Variants in ITM2C observed in about 807,000 individuals in gnomAD.
ITM2C encodes the protein integral membrane protein 2C, also known as BRICHOS domain containing 2C.
In ITM2C, 20 loss-of-function variants were observed where a neutral mutation model predicts 30.0. That is an observed-to-expected ratio of 0.67 (90% CI 0.47 to 0.97). The LOEUF (loss-of-function observed/expected upper bound fraction) is 0.97. Among genes scored for constraint, ITM2C ranks in the 50% least tolerant of loss-of-function variants. The pLI is 0.00. For missense variants in ITM2C, 366 were observed against 371.9 expected (o/e 0.98, Z 0.13); for synonymous variants, 167 against 156.4 (o/e 1.07, Z -0.51).
chr2:230,870,250 T>C (rs1168192646), intron 1 of ITM2C, among the ~76,000 whole-genome samples: 3 of 152,198 alleles, frequency 2.0e-5, no homozygotes, highest in African/African-American at 7.2e-5. Context: ...TTGGGCACAG[T>C]AGGCAGAGGC....
In ITM2C at chr2:230,877,349, G is replaced by T. The variant is rs764362310; in HGVS notation, c.562-51G>T. The T allele has an allele frequency of 1.3e-6, 2 of 1,596,028 alleles. No individual in the cohort carries two copies. The highest frequency in any genetic ancestry group is 3.4e-5 in the Admixed American group (2 of 59,458). On this transcript the variant is annotated intron_variant, in intron 4 of 5. Transcript: ENST00000326427. This position sits in a 1 kb window ranked among gnomAD's most constrained non-coding sequence, Gnocchi z 4.8. ...GGGCTGGCATTTCGGGCGAGGGGTT[G>T]GACGAAAGCCTGAGGGGCCGACTCA...
Position 230,878,120 on chromosome 2 carries a change from C to T in ITM2C, c.*21C>T, listed in dbSNP as rs542980547. On this transcript the variant is annotated 3_prime_UTR_variant, in exon 6 of 6. Transcript: ENST00000326427. This position sits in a 1 kb window ranked among gnomAD's most constrained non-coding sequence, Gnocchi z 4.5. ...TGTGAGGCCCTCCTCCCCCAGAACC[C>T]CCTGCCGTGTTCCTCTTTTCTTCTT... is the stretch of plus-strand genomic sequence containing the variant. 2.2e-5 allele frequency: 34 copies of T among 1,527,508 alleles called. No homozygotes were observed. The highest frequency in any genetic ancestry group is 3.7e-5 in the South Asian group (3 of 80,724). The allele number at this position is 1,527,508 out of a possible 1,614,324, so 94.6% of individuals were successfully genotyped here. A position where few individuals can be genotyped will look rare whatever the true frequency, so the allele number is the denominator to read the frequency against.
chr2:230,864,933 AC>A, upstream of ITM2C: 1 of 1,273,168 alleles, frequency 7.9e-7, no homozygotes, highest in South Asian at 2.5e-5. The surrounding 1 kb of genome is among the most constrained non-coding windows in gnomAD (Gnocchi z 4.3). Context: ...CGGGATCCAA[AC>A]TTCCGGTGCC....
chr2:230,873,351 T>A, intron 1 of ITM2C, 66 bp from the exon 2 acceptor site: 1 of 1,433,106 alleles, frequency 7.0e-7, no homozygotes, highest in Non-Finnish European at 9.2e-7. Flanking sequence ...GAAGCCTGAC[T>A]TAGGGAAGGG....
intron 2 of ITM2C, among the ~76,000 whole-genome samples, chr2:230,874,944 A>T (rs1360847648): frequency 1.3e-5 from 2 of 152,184 alleles, no homozygotes; most frequent in African/African-American, 4.8e-5. Context: ...GGGGTCAGGG[A>T]TATCCAGGAA....
Position 230,878,707 on chromosome 2 carries a change from G to A in ITM2C, c.*608G>A, listed in dbSNP as rs1360095822. On this transcript the variant is annotated 3_prime_UTR_variant, in exon 6 of 6. Transcript: ENST00000326427. This position sits in a 1 kb window ranked among gnomAD's most constrained non-coding sequence, Gnocchi z 4.5. ...CACCAGCAGGAGCTTGGAGTTTGGGGAGTGGGGATGAGTCCGTCAAGCACA... is the reference window on the plus strand; with the variant it reads ...CACCAGCAGGAGCTTGGAGTTTGGGAAGTGGGGATGAGTCCGTCAAGCACA... 6.5e-6 allele frequency: 1 copy of A among 152,922 alleles called. No individual in the cohort carries two copies. The highest frequency in any genetic ancestry group is 1.5e-5 in the Non-Finnish European group (1 of 68,318). 9.5% of individuals were successfully genotyped at this position (152,922 alleles called of 1,614,324 possible).
rs765286905 is a variant in ITM2C at position 230,875,626 on chromosome 2, C to G, written c.268C>G (p.Arg90Gly). The G allele has an allele frequency of 6.2e-7, 1 of 1,600,886 alleles. No individual in the cohort carries two copies. Among genetic ancestry groups the G allele is most frequent in the Non-Finnish European group, 8.5e-7 (1 of 1,172,780 alleles). Residue 90 changes from arginine (R) to glycine (G), a missense_variant, in exon 3 of 6, where the codon CGA becomes GGA. By Grantham distance (125) the Arg-to-Gly change is moderately radical. Coordinates refer to ENST00000326427, the MANE Select transcript of ITM2C (RefSeq NM_030926.6). ...YRYFFLAQLA[R>G]DNFFRCGVLY... ...GTCTCTCCGCCTTGCTCAGCTGGCC[C>G]GAGATAACTTCTTCCGCTGTGGTGT...
Position 230,877,201 on chromosome 2 carries a change from C to A in ITM2C, c.562-199C>A, listed in dbSNP as rs1177656311. ...GCTTCCTTAGTGTTCAAGGTTGTACCCTGGGTACGGACTCGTGCGCATGCC... is the reference window on the plus strand; with the variant it reads ...GCTTCCTTAGTGTTCAAGGTTGTACACTGGGTACGGACTCGTGCGCATGCC... On this transcript the variant is annotated intron_variant, in intron 4 of 5. Transcript: ENST00000326427. The surrounding 1 kb of genome is among the most constrained non-coding windows in gnomAD (Gnocchi z 4.8). Among the ~76,000 whole-genome samples the A allele has an allele frequency of 6.6e-6, 1 of 152,198 alleles. No homozygotes were observed. Among genetic ancestry groups the A allele is most frequent in the Non-Finnish European group, 1.5e-5 (1 of 68,038 alleles).
Position 230,873,497 on chromosome 2 carries a change from G to A in ITM2C, c.201G>A (p.Val67=). ...GCTACCTGTCGATGGGCATGGTCGT[G>A]CTGCTCATGGGCCTCGTGTTCGCCT... ...GVCYLSMGMV[V]LLMGLVFASV... Residue 67 remains valine (V), a synonymous_variant, in exon 2 of 6, where the codon GTG becomes GTA. Transcript: ENST00000326427. 6.2e-7 allele frequency: 1 copy of A among 1,611,328 alleles called. No homozygotes were observed. The highest frequency in any genetic ancestry group is 8.5e-7 in the Non-Finnish European group (1 of 1,178,758).
rs201009691 is a variant in ITM2C, at chr2:230,873,481, C to G, written c.185C>G (p.Ser62Trp). The change falls in exon 2 of 6, where the codon TCG (serine) becomes TGG (tryptophan). Residue 62 changes from serine to tryptophan, a missense_variant. By Grantham distance (177) the Ser-to-Trp change is radical. Coordinates refer to ENST00000326427, the MANE Select transcript of ITM2C (RefSeq NM_030926.6). ...TCAGTGGGCGGCGTGTGCTACCTGT[C>G]GATGGGCATGGTCGTGCTGCTCATG... ...GGSVGGVCYLSMGMVVLLMGL... is the reference protein window; with the variant it reads ...GGSVGGVCYLWMGMVVLLMGL... 3 of 1,610,670 alleles carry G rather than the reference C, an allele frequency of 1.9e-6. No individual in the cohort carries two copies. The South Asian group carries it at 3.3e-5, about 18-fold the overall frequency.
At chr2:230,875,518 G>A in intron 2 of ITM2C, 102 bp from the exon 3 acceptor site, 1 of 1,011,172 alleles carries the variant, frequency 9.9e-7, no homozygotes, top group Non-Finnish European at 1.5e-6. Flanking sequence ...GCTTCCGCAG[G>A]CTTTTGGGGC....
chr2:230,876,552 GC>G (rs538737744), intron 3 of ITM2C, among the ~76,000 whole-genome samples: 50 of 152,236 alleles, frequency 3.3e-4, no homozygotes, highest in Admixed American at 2.9e-3. Flanking sequence ...CACGATCTCG[GC>G]TCACTGCAAG....
At chr2:230,871,227 G>T (rs1436545803) in intron 1 of ITM2C, among the ~76,000 whole-genome samples, 1 of 152,264 alleles carries the variant, frequency 6.6e-6, no homozygotes, top group African/African-American at 2.4e-5. Flanking sequence ...GGTGTTTGTT[G>T]TGTCCCGAGG....
chr2:230,868,459 G>GCATTCACA (rs553555961), intron 1 of ITM2C, among the ~76,000 whole-genome samples: 52,254 of 110,548 alleles, frequency 0.47, 10,495 homozygotes, highest in East Asian at 0.81. Flanking sequence ...GCCTGTGCCT[G>GCATTCACA]CACTCACACA....
In ITM2C at chr2:230,876,112, C is replaced by T. The variant is rs556836466; in HGVS notation, c.450+304C>T. 1.2e-4 allele frequency among the ~76,000 whole-genome samples: 18 copies of T among 152,232 alleles called. No individual in the cohort carries two copies. In the East Asian group the frequency reaches 3.1e-3, roughly 26 times the overall value. On this transcript the variant is annotated intron_variant, in intron 3 of 5. Coordinates refer to ENST00000326427, the MANE Select transcript of ITM2C (RefSeq NM_030926.6). ...CGAGTGCATTGCGTGTACAGCTCAG[C>T]GGGTCTCTGCAGAGTGGGTCTCATG...
intron 1 of ITM2C, among the ~76,000 whole-genome samples, chr2:230,869,617 A>G (rs902033362): frequency 1.3e-5 from 2 of 152,188 alleles, no homozygotes; most frequent in Admixed American, 1.3e-4. Flanking sequence ...GAACCCCTCC[A>G]GGCAGGCTGC....
chr2:230,873,448 G>T lies in ITM2C; in HGVS notation c.152G>T (p.Arg51Met), dbSNP rs147080363. The part of the protein sequence containing the change: ...EEQPPQHRSK[R>M]GGSVGGVCYL... ...CAGCCCCCACAACATCGATCCAAGA[G>T]GGGGGGCTCAGTGGGCGGCGTGTGC... is the stretch of plus-strand genomic sequence containing the variant. The change falls in exon 2 of 6, where the codon AGG becomes ATG. Residue 51 changes from arginine (R) to methionine (M), a missense_variant. Transcript: ENST00000326427. 2.4e-5 allele frequency: 38 copies of T among 1,605,912 alleles called. No individual in the cohort carries two copies. Among genetic ancestry groups the T allele is most frequent in the Admixed American group, 5.1e-5 (3 of 59,030 alleles).
intron 1 of ITM2C, among the ~76,000 whole-genome samples, chr2:230,871,552 TGAG>T (rs1183497136): frequency 3.3e-5 from 5 of 152,224 alleles, no homozygotes; most frequent in Non-Finnish European, 2.9e-5. Flanking sequence ...CCCTGGCTGC[TGAG>T]GAGATGACAG....
Position 230,864,975 on chromosome 2 carries a change from C to A in ITM2C, c.-51C>A. The A allele has an allele frequency of 2.1e-6, 3 of 1,399,932 alleles. No homozygotes were observed. Among genetic ancestry groups the A allele is most frequent in the Non-Finnish European group, 2.8e-6 (3 of 1,065,832 alleles). 86.7% of individuals were successfully genotyped at this position (1,399,932 alleles called of 1,614,324 possible). A position where few individuals can be genotyped will look rare whatever the true frequency, so the allele number is the denominator to read the frequency against. ...AGCTCGGAGCGGCGGAGGCAGAGAC[C>A]GAGGCTGCACCGGCAGAGGCTGCGG... On this transcript the variant is annotated 5_prime_UTR_variant, in exon 1 of 6. Coordinates refer to ENST00000326427, the MANE Select transcript of ITM2C (RefSeq NM_030926.6). The surrounding 1 kb of genome is among the most constrained non-coding windows in gnomAD (Gnocchi z 4.3).
Sources: gnomAD v4.1 joint callset for allele counts (sites outside exome capture counted in the v4.1 genomes callset) on GRCh38, gnomAD v4.1.1 for gene constraint, Gnocchi (gnomAD v3.1) non-coding constraint, MANE v1.5 for transcripts, NCBI Gene and HGNC (gene_info 2026-07-23, HGNC 2026-07-21) for gene names.